The following HSPA14 variants were observed in gnomAD, a reference collection of about 807,000 sequenced individuals.
HSPA14 encodes heat shock 70 kDa protein 14.
A neutral mutation model predicts 65.5 loss-of-function variants in HSPA14; 37 were observed. The ratio of observed to expected loss-of-function variants is 0.56; its 90% CI spans 0.43 to 0.74. HSPA14 has a LOEUF of 0.74. Ranked by LOEUF, HSPA14 falls within the 30% of genes least tolerant of loss-of-function variation. The pLI is 0.00. For missense variants in HSPA14, 564 were observed against 607.6 expected (o/e 0.93, Z 0.75); for synonymous variants, 203 against 214.2 (o/e 0.95, Z 0.46).
At chr10:14,862,067 C>T (rs1478615024) in intron 10 of HSPA14, among the ~76,000 whole-genome samples, 1 of 150,900 alleles carries the variant, frequency 6.6e-6, no homozygotes, top group Non-Finnish European at 1.5e-5. Context: ...AGCTGTGTCA[C>T]CCAGGTTGGA....
At position 14,849,806 on chromosome 10, in the gene HSPA14, T is replaced by A; in HGVS notation, c.462T>A (p.Ala154=). The A allele has an allele frequency of 6.2e-7, 1 of 1,605,282 alleles. No individual in the cohort carries two copies. Among genetic ancestry groups the A allele is most frequent in the African/African-American group, 1.3e-5 (1 of 74,814 alleles). Residue 154 remains alanine (A), a synonymous_variant, in exon 6 of 14, where the codon GCT becomes GCA. Coordinates refer to ENST00000378372, the MANE Select transcript of HSPA14 (RefSeq NM_016299.4). ...ATTTTGGAGAAAAGCAAAAAAATGC[T>A]CTTGGGTAAGTATATGGGGTTTATC... ...PFDFGEKQKN[A]LGEAARAAGF...
chr10:14,854,807 G>A (rs1391678632), intron 9 of HSPA14, among the ~76,000 whole-genome samples: 1 of 152,158 alleles, frequency 6.6e-6, no homozygotes, highest in Non-Finnish European at 1.5e-5. Flanking sequence ...CCCAATAAAA[G>A]AGCCACTAGC....
intron 8 of HSPA14, 102 bp downstream of exon 8, chr10:14,852,633 G>A: frequency 1.0e-6 from 1 of 969,230 alleles, no homozygotes; most frequent in Admixed American, 2.5e-5. Context: ...CTGCAAAGGA[G>A]GATGTGGTTT....
At chr10:14,866,995 G>T in intron 10 of HSPA14, 88 bp from the exon 11 acceptor site, 1 of 867,262 alleles carries the variant, frequency 1.2e-6, no homozygotes, top group Non-Finnish European at 1.8e-6. Flanking sequence ...CTTTACATAC[G>T]ATGAAGATGA....
intron 3 of HSPA14, chr10:14,847,073 C>T (rs1357042157): frequency 7.1e-6 from 7 of 980,254 alleles, no homozygotes; most frequent in Non-Finnish European, 8.5e-6. Flanking sequence ...TTTGCTTTCT[C>T]CTCTGCTAAG....
Position 14,850,034 on chromosome 10 carries a change from G to C in HSPA14, c.467+223G>C, listed in dbSNP as rs80207253. On this transcript the variant is annotated intron_variant, in intron 6 of 13. Coordinates refer to ENST00000378372, the MANE Select transcript of HSPA14 (RefSeq NM_016299.4). ...AATCCCAACACTTTGGGACACTGAC[G>C]GGGGGGCGGCGGGTGGACCACCTGA... Among the ~76,000 whole-genome samples, 38 of 152,028 alleles carry C rather than the reference G, an allele frequency of 2.5e-4. No homozygotes were observed. The East Asian group carries it at 5.2e-3, about 21-fold the overall frequency.
At chr10:14,856,247 ATTAAC>A (rs1564323921) in intron 10 of HSPA14, among the ~76,000 whole-genome samples, 1 of 152,214 alleles carries the variant, frequency 6.6e-6, no homozygotes, top group Admixed American at 6.5e-5. Context: ...TTTTACACAT[ATTAAC>A]TTGTTGAATA....
chr10:14,852,217 T>A (rs1834113525), intron 7 of HSPA14, among the ~76,000 whole-genome samples, 153 bp from the exon 8 acceptor site: 1 of 152,260 alleles, frequency 6.6e-6, no homozygotes, highest in Non-Finnish European at 1.5e-5. Context: ...TAGGCTTGAT[T>A]TGTCAATAAG....
intron 3 of HSPA14, chr10:14,844,237 C>A: frequency 9.2e-7 from 1 of 1,092,658 alleles, no homozygotes; most frequent in Non-Finnish European, 1.1e-6. Flanking sequence ...CCCTGCCTAC[C>A]TCACAGGGTT....
At chr10:14,847,075 T>G in intron 3 of HSPA14, 1 of 977,438 alleles carries the variant, frequency 1.0e-6, no homozygotes, top group Non-Finnish European at 1.2e-6. Context: ...TGCTTTCTCC[T>G]CTGCTAAGGG....
Position 14,844,772 on chromosome 10 carries a change from C to T in HSPA14, c.222-3837C>T, listed in dbSNP as rs576721131. The T allele has an allele frequency of 2.9e-5, 29 of 983,876 alleles. No individual in the cohort carries two copies. In the African/African-American group the frequency reaches 4.7e-4, roughly 16 times the overall value. The allele number at this position is 983,876 out of a possible 1,614,324, so 60.9% of individuals were successfully genotyped here. A position where few individuals can be genotyped will look rare whatever the true frequency, so the allele number is the denominator to read the frequency against. ...CATATTATTTGGGTCCCTTTATATG[C>T]CTAAATTACATCTTTAAGTTTCGGT... On this transcript the variant is annotated intron_variant, in intron 3 of 13. Transcript: ENST00000378372.
At chr10:14,841,665 CT>C (rs1385095973) in intron 3 of HSPA14, among the ~76,000 whole-genome samples, 5 of 152,172 alleles carry the variant, frequency 3.3e-5, no homozygotes, top group African/African-American at 9.7e-5. Flanking sequence ...TGGCTTTCTT[CT>C]GCCATATTGT....
At chr10:14,853,336 A>G (rs1834122258) in intron 8 of HSPA14, among the ~76,000 whole-genome samples, 1 of 152,222 alleles carries the variant, frequency 6.6e-6, no homozygotes, top group African/African-American at 2.4e-5. Flanking sequence ...TTTTTTGAAG[A>G]AACACTTGTA....
intron 10 of HSPA14, among the ~76,000 whole-genome samples, chr10:14,866,411 T>C (rs913282211): frequency 1.3e-5 from 2 of 152,190 alleles, no homozygotes; most frequent in African/African-American, 4.8e-5. Context: ...GAAGTGGCTA[T>C]TGATTTCCCT....
chr10:14,863,098 A>G (rs1262655485), intron 10 of HSPA14, among the ~76,000 whole-genome samples: 1 of 152,242 alleles, frequency 6.6e-6, no homozygotes, highest in Non-Finnish European at 1.5e-5. Context: ...TTAAAGCTAT[A>G]TAATGAATTA....
intron 10 of HSPA14, among the ~76,000 whole-genome samples, chr10:14,865,139 C>T (rs1310150268): frequency 2.0e-5 from 3 of 152,210 alleles, no homozygotes; most frequent in Non-Finnish European, 4.4e-5. Context: ...AGTGTCTGTT[C>T]ATATCCTTCG....
rs1340928283 is a variant in HSPA14, at chr10:14,842,724, C to G, written c.221+2567C>G. The G allele has an allele frequency of 6.5e-7, 1 of 1,536,520 alleles. No individual in the cohort carries two copies. The highest frequency in any genetic ancestry group is 2.4e-5 in the East Asian group (1 of 40,920). On this transcript the variant is annotated intron_variant, in intron 3 of 13. Transcript: ENST00000378372. The surrounding 1 kb of genome is among the most constrained non-coding windows in gnomAD (Gnocchi z 5.2). The stretch of plus-strand genomic sequence containing the variant: ...CTAAAATCAAAAAGGACTCAGGCAG[C>G]TGATCATCAGCCTATCTTGAAAACA...
Position 14,867,737 on chromosome 10 carries a change from G to T in HSPA14, c.1208G>T (p.Gly403Val), listed in dbSNP as rs751141664. 8.1e-6 allele frequency: 13 copies of T among 1,612,798 alleles called. No homozygotes were observed. Among genetic ancestry groups the T allele is most frequent in the East Asian group, 2.2e-5 (1 of 44,886 alleles). Residue 403 changes from glycine to valine, a missense_variant and splice_region_variant, in exon 12 of 14, where the codon GGT becomes GTT. Physicochemically the swap from Gly to Val is moderately radical, Grantham distance 109. Coordinates refer to ENST00000378372, the MANE Select transcript of HSPA14 (RefSeq NM_016299.4). ...ECSARDILVK[G>V]VDESGASRFT... is the part of the protein sequence containing the mutation. ...TGCACCTTGTTTCCTGCTAACTAGG[G>T]TGTGGACGAATCAGGAGCCAGTAGA... is the stretch of plus-strand genomic sequence containing the variant.
At chr10:14,850,212 C>T (rs1044658130) in intron 6 of HSPA14, among the ~76,000 whole-genome samples, 3 of 150,000 alleles carry the variant, frequency 2.0e-5, no homozygotes, top group Non-Finnish European at 4.4e-5. Context: ...GTGGAGGTTG[C>T]AGTGAGCCAA....
Sources: gnomAD v4.1 joint callset for allele counts (sites outside exome capture counted in the v4.1 genomes callset) on GRCh38, gnomAD v4.1.1 for gene constraint, Gnocchi (gnomAD v3.1) non-coding constraint, MANE v1.5 for transcripts, NCBI Gene and HGNC (gene_info 2026-07-23, HGNC 2026-07-21) for gene names.